Variants in KIAA0319 observed in about 807,000 individuals in gnomAD.
The protein encoded by KIAA0319 is KIAA0319.
Under a neutral mutation model 108.4 loss-of-function variants are expected in KIAA0319, and 83 were observed. The ratio of observed to expected loss-of-function variants is 0.77; its 90% CI spans 0.64 to 0.92. The LOEUF is 0.92. Among genes scored for constraint, KIAA0319 ranks in the 40% least tolerant of loss-of-function variants. KIAA0319 has a pLI of 0.00. For synonymous variants in KIAA0319, 484 were observed against 510.4 expected, an observed-to-expected ratio of 0.95 and a Z score of 0.70; for missense variants, 1,195 against 1,322.4, an observed-to-expected ratio of 0.90 and a Z score of 1.49.
chr6:24,563,305 T>G, intron 16 of KIAA0319, 54 bp downstream of exon 16: 1 of 1,562,552 alleles, frequency 6.4e-7, no homozygotes, highest in Non-Finnish European at 8.7e-7. Flanking sequence ...TGGGATGAGG[T>G]AAGAGCTGGA....
At position 24,596,190 on chromosome 6, in the gene KIAA0319, C is replaced by T. The variant is rs370956582; in HGVS notation, c.484G>A (p.Glu162Lys). 8.7e-6 allele frequency: 14 copies of T among 1,614,060 alleles called. No individual in the cohort carries two copies. The African/African-American group carries it at 1.9e-4, about 22-fold the overall frequency. The change falls in exon 3 of 21, where the codon GAG (glutamate) becomes AAG (lysine). Residue 162 changes from glutamate to lysine, a missense_variant. Coordinates refer to ENST00000378214, the MANE Select transcript of KIAA0319 (RefSeq NM_014809.4). ...EMSEYSDDYR[E>K]LEKDLLQPSG... Reference sequence around the variant, plus strand: ...GGTTGCAAGAGGTCCTTCTCCAGCTCCCGGTAGTCATCTGAGTACTCAGAC... The same window carrying T: ...GGTTGCAAGAGGTCCTTCTCCAGCTTCCGGTAGTCATCTGAGTACTCAGAC...
intron 1 of KIAA0319, among the ~76,000 whole-genome samples, chr6:24,637,739 G>A (rs1776381292): frequency 6.6e-6 from 1 of 152,008 alleles, no homozygotes. Context: ...ATGAAGGTAA[G>A]AGCCTTGAAG....
At chr6:24,585,576 A>G (rs1008676443) in intron 4 of KIAA0319, among the ~76,000 whole-genome samples, 7 of 152,170 alleles carry the variant, frequency 4.6e-5, no homozygotes, top group African/African-American at 7.2e-5. Flanking sequence ...ATACAGATTC[A>G]CTGAGCCAGA....
chr6:24,576,617 C>T (rs778872958), intron 9 of KIAA0319, 21 bp from the exon 10 acceptor site: 17 of 1,596,378 alleles, frequency 1.1e-5, no homozygotes, highest in African/African-American at 2.7e-5. Flanking sequence ...GAGAAGAAGC[C>T]GTAGTTGGAA....
intron 1 of KIAA0319, among the ~76,000 whole-genome samples, chr6:24,610,409 C>G (rs1772121164): frequency 6.6e-6 from 1 of 152,068 alleles, no homozygotes; most frequent in South Asian, 2.1e-4. Flanking sequence ...ACTAGCATGG[C>G]TATAATAAAA....
intron 3 of KIAA0319, among the ~76,000 whole-genome samples, chr6:24,593,625 T>A (rs1187614529): frequency 1.3e-5 from 2 of 151,274 alleles, no homozygotes; most frequent in African/African-American, 2.4e-5. Flanking sequence ...ATGGTCTCAA[T>A]TTCCTGACCT....
chr6:24,642,587 C>T (rs1051039151), intron 1 of KIAA0319, among the ~76,000 whole-genome samples: 23 of 152,202 alleles, frequency 1.5e-4, no homozygotes, highest in African/African-American at 5.5e-4. Flanking sequence ...TTAATTTACC[C>T]TCCATGCTTA....
intron 8 of KIAA0319, 117 bp from the exon 9 acceptor site, chr6:24,578,359 G>T: frequency 1.5e-6 from 1 of 688,988 alleles, no homozygotes; most frequent in Non-Finnish European, 2.4e-6. Context: ...TACTTGCCTA[G>T]ATCTCAATGG....
chr6:24,542,089 C>T (rs1035505696), downstream of KIAA0319, among the ~76,000 whole-genome samples: 30 of 152,162 alleles, frequency 2.0e-4, no homozygotes, highest in African/African-American at 7.0e-4. Flanking sequence ...TTGTAGTAAG[C>T]GAGATTGCAC....
At chr6:24,635,392 C>G (rs1012037555) in intron 1 of KIAA0319, among the ~76,000 whole-genome samples, 1 of 152,184 alleles carries the variant, frequency 6.6e-6, no homozygotes, top group Non-Finnish European at 1.5e-5. Flanking sequence ...ACATGAGCCA[C>G]CACACCTGGC....
chr6:24,608,853 C>A (rs1482588610), intron 1 of KIAA0319, among the ~76,000 whole-genome samples: 2 of 142,418 alleles, frequency 1.4e-5, no homozygotes, highest in African/African-American at 5.2e-5. Context: ...ATGGCGTGAA[C>A]CCGGGAGGCA....
chr6:24,630,508 CAAAA>C (rs66787757), intron 1 of KIAA0319, among the ~76,000 whole-genome samples: 49,560 of 105,054 alleles, frequency 0.47, 9,061 homozygotes, highest in East Asian at 0.75. Flanking sequence ...GATTCTGTCT[CAAAA>C]AAAAAAAAAA....
intron 1 of KIAA0319, among the ~76,000 whole-genome samples, chr6:24,604,890 G>C (rs1261387722): frequency 1.3e-5 from 2 of 152,226 alleles, no homozygotes; most frequent in Admixed American, 6.5e-5. Flanking sequence ...ACCCAGGCTG[G>C]AGTGCAATGG....
chr6:24,597,433 G>A (rs568447738), intron 2 of KIAA0319, among the ~76,000 whole-genome samples: 19 of 152,266 alleles, frequency 1.2e-4, no homozygotes, highest in African/African-American at 4.6e-4. Context: ...GGAGTGCACC[G>A]TTCCTTTGTT....
At chr6:24,630,681 G>GTATATATATATA (rs781623420) in intron 1 of KIAA0319, among the ~76,000 whole-genome samples, 2 of 51,992 alleles carry the variant, frequency 3.8e-5, no homozygotes, top group East Asian at 2.5e-4. Flanking sequence ...GTGTGTATAT[G>GTATATATATATA]TGTATATATA....
At chr6:24,570,416 G>A (rs1024164509) in intron 11 of KIAA0319, among the ~76,000 whole-genome samples, 2 of 151,976 alleles carry the variant, frequency 1.3e-5, no homozygotes, top group African/African-American at 4.8e-5. Flanking sequence ...GTGAAACCCC[G>A]TCTCTACTAA....
In KIAA0319 at chr6:24,614,200, C is replaced by A. The variant is rs1444930896; in HGVS notation, c.-105-12992G>T. Among the ~76,000 whole-genome samples, 7 of 152,206 alleles carry A rather than the reference C, an allele frequency of 4.6e-5. 1 individual carries two copies. In the East Asian group the frequency reaches 1.3e-3, roughly 29 times the overall value. ...TTGGAAGGAGCCAGCCTTAGCAATT[C>A]CTGACATATGCCAGGACAGACGCCT... On this transcript the variant is annotated intron_variant, in intron 1 of 20. Transcript: ENST00000378214.
chr6:24,606,160 CT>C (rs1160574672), intron 1 of KIAA0319, among the ~76,000 whole-genome samples: 2 of 152,206 alleles, frequency 1.3e-5, no homozygotes, highest in East Asian at 3.8e-4. Context: ...TGGCCTCAAA[CT>C]CCTGACCTCA....
At chr6:24,578,690 G>A (rs1765896986) in intron 8 of KIAA0319, among the ~76,000 whole-genome samples, 1 of 152,234 alleles carries the variant, frequency 6.6e-6, no homozygotes, top group African/African-American at 2.4e-5. Flanking sequence ...GGTAAATCCA[G>A]AGAAAGCTCA....
Sources: gnomAD v4.1 joint callset for allele counts (sites outside exome capture counted in the v4.1 genomes callset) on GRCh38, gnomAD v4.1.1 for gene constraint, MANE v1.5 for transcripts, NCBI Gene and HGNC (gene_info 2026-07-23, HGNC 2026-07-21) for gene names.